PRH1: variants seen among roughly 807,000 people sequenced by gnomAD.
The protein encoded by PRH1 is salivary acidic proline-rich phosphoprotein 1/2.
PRH1 carries 7 observed loss-of-function variants against 7.9 expected under a neutral mutation model. That is an observed-to-expected ratio of 0.89 (90% CI 0.50 to 1.67). The LOEUF is 1.67. Among genes scored for constraint, PRH1 ranks in the 40% most tolerant of loss-of-function variants. The pLI is 0.00. For missense variants in PRH1, 109 were observed against 223.6 expected, an observed-to-expected ratio of 0.49 and a Z score of 3.27; for synonymous variants, 45 against 80.8, an observed-to-expected ratio of 0.56 and a Z score of 2.38.
intron 1 of PRH1, among the ~76,000 whole-genome samples, chr12:10,999,177 G>C (rs555000789): frequency 1.3e-5 from 2 of 152,164 alleles, no homozygotes; most frequent in Admixed American, 1.3e-4. Flanking sequence ...TGCAGAAAAA[G>C]CTAAGTGATA....
chr12:11,133,355 AC>A (rs778462506), intron 1 of PRH1: 1 of 1,613,826 alleles, frequency 6.2e-7, no homozygotes, highest in East Asian at 2.2e-5. Context: ...CCAGTACCTC[AC>A]ATGCCGCAAA....
intron 1 of PRH1, among the ~76,000 whole-genome samples, chr12:11,053,424 T>TA (rs1208887952): frequency 6.6e-6 from 1 of 152,274 alleles, no homozygotes; most frequent in Non-Finnish European, 1.5e-5. Context: ...TTATTTATAC[T>TA]AAAATCAAAA....
intron 1 of PRH1, among the ~76,000 whole-genome samples, chr12:11,013,799 G>A (rs1369079908): frequency 1.3e-5 from 2 of 152,128 alleles, no homozygotes; most frequent in African/African-American, 4.8e-5. Flanking sequence ...GTTTGAGATT[G>A]GCTAACTGCA....
chr12:10,938,000 CA>C, intron 2 of PRH1: 1 of 345,954 alleles, frequency 2.9e-6, no homozygotes. Flanking sequence ...TTAAAAATCT[CA>C]AAAAAGGTGA....
At chr12:10,967,325 TAATA>T (rs1374250492) in intron 2 of PRH1, among the ~76,000 whole-genome samples, 1 of 152,162 alleles carries the variant, frequency 6.6e-6, no homozygotes, top group African/African-American at 2.4e-5. Context: ...GCACTTCTCC[TAATA>T]AATAATTTTC....
chr12:11,165,000 G>C (rs968452128), intron 1 of PRH1, among the ~76,000 whole-genome samples: 3 of 152,118 alleles, frequency 2.0e-5, no homozygotes, highest in Admixed American at 6.5e-5. Context: ...CTTTGTAGAA[G>C]AGAAAATGGT....
intron 1 of PRH1, among the ~76,000 whole-genome samples, chr12:11,053,074 G>T (rs4763236): frequency 6.6e-6 from 1 of 152,140 alleles, no homozygotes; most frequent in Non-Finnish European, 1.5e-5. Context: ...GATGTGAGTA[G>T]CTTTTTTTGG....
chr12:11,144,842 TCTC>T (rs376657889), intron 1 of PRH1, among the ~76,000 whole-genome samples: 3 of 152,134 alleles, frequency 2.0e-5, no homozygotes, highest in African/African-American at 4.8e-5. Context: ...GCCAGAAACT[TCTC>T]CTGCAAACAG....
At chr12:10,921,387 T>G (rs1950043476) in intron 2 of PRH1, among the ~76,000 whole-genome samples, 2 of 152,150 alleles carry the variant, frequency 1.3e-5, no homozygotes, top group Admixed American at 1.3e-4. Flanking sequence ...ATATAAATTT[T>G]TGTTAACCTA....
intron 2 of PRH1, among the ~76,000 whole-genome samples, chr12:10,967,526 C>T (rs767983047): frequency 6.6e-6 from 1 of 152,214 alleles, no homozygotes; most frequent in African/African-American, 2.4e-5. Flanking sequence ...CAATTTTCTA[C>T]TTTTCCCAAC....
chr12:10,970,576 G>GTTTTT (rs1565509811), intron 2 of PRH1, among the ~76,000 whole-genome samples: 1 of 145,420 alleles, frequency 6.9e-6, no homozygotes, highest in Non-Finnish European at 1.5e-5. Flanking sequence ...TTTTTTTTTC[G>GTTTTT]TTTTTGAGAT....
chr12:11,068,221 T>C (rs1489297773), intron 1 of PRH1, among the ~76,000 whole-genome samples: 1 of 152,214 alleles, frequency 6.6e-6, no homozygotes, highest in African/African-American at 2.4e-5. Context: ...CCCTCCTGAT[T>C]ATCCCAATTG....
intron 1 of PRH1, among the ~76,000 whole-genome samples, chr12:11,055,564 A>C (rs533144322): frequency 2.6e-4 from 40 of 152,392 alleles, no homozygotes; most frequent in African/African-American, 9.6e-4. Context: ...ATAATTTCCA[A>C]AACAGCTCAA....
intron 1 of PRH1, among the ~76,000 whole-genome samples, chr12:11,043,471 G>A (rs1373402765): frequency 1.3e-5 from 2 of 151,992 alleles, no homozygotes; most frequent in Non-Finnish European, 2.9e-5. Flanking sequence ...AATAAATAAA[G>A]AGCATCCACA....
chr12:10,941,539 TTTA>T (rs1314820153), intron 2 of PRH1, among the ~76,000 whole-genome samples: 14 of 148,844 alleles, frequency 9.4e-5, no homozygotes, highest in African/African-American at 3.0e-4. Context: ...TTTGAATTTA[TTTA>T]TTATTAAAAT....
At chr12:11,050,227 T>C (rs544289570), upstream of PRH1, among the ~76,000 whole-genome samples, 1 of 152,266 alleles carries the variant, frequency 6.6e-6, no homozygotes. Context: ...CCCACATATT[T>C]ATTGACAGTA....
intron 2 of PRH1, chr12:10,937,857 G>A (rs1228858850): frequency 1.3e-5 from 2 of 156,852 alleles, no homozygotes; most frequent in East Asian, 3.7e-4. Context: ...ACTTAATATA[G>A]GTACTAAAAT....
chr12:11,092,462 C>T (rs1252843242), intron 1 of PRH1: 6 of 292,154 alleles, frequency 2.1e-5, no homozygotes, highest in South Asian at 1.1e-4. Flanking sequence ...TAGGTTGCCG[C>T]GGCTGGCTGA....
upstream of PRH1, chr12:10,884,296 C>A: frequency 1.9e-6 from 3 of 1,596,576 alleles, no homozygotes; most frequent in Middle Eastern, 1.7e-4. Flanking sequence ...ACAAGCAGGA[C>A]AATGGTGCAT....
Sources: gnomAD v4.1 joint callset for allele counts (sites outside exome capture counted in the v4.1 genomes callset) on GRCh38, gnomAD v4.1.1 for gene constraint, MANE v1.5 for transcripts, NCBI Gene and HGNC (gene_info 2026-07-23, HGNC 2026-07-21) for gene names.